The following LGR4 variants were observed in gnomAD, a reference collection of about 807,000 sequenced individuals.
LGR4 encodes leucine-rich repeat-containing G protein-coupled receptor 4.
In LGR4, 44 loss-of-function variants were observed where a neutral mutation model predicts 84.8. The observed-to-expected ratio is 0.52, with a 90% confidence interval of 0.41 to 0.67. The LOEUF (loss-of-function observed/expected upper bound fraction) is 0.67. LGR4 is among the 30% of genes least tolerant of loss of function. The pLI is 0.00. For synonymous variants in LGR4, 429 were observed against 434.3 expected (o/e 0.99, Z 0.15); for missense variants, 1,032 against 1,131.4 (o/e 0.91, Z 1.26).
intron 1 of LGR4, among the ~76,000 whole-genome samples, chr11:27,446,199 G>C (rs1864386986): frequency 6.6e-6 from 1 of 152,134 alleles, no homozygotes; most frequent in Admixed American, 6.5e-5. Flanking sequence ...TGTCAGATGG[G>C]TAGATTGTAA....
At chr11:27,441,884 A>G (rs1186725528) in intron 1 of LGR4, among the ~76,000 whole-genome samples, 1 of 152,208 alleles carries the variant, frequency 6.6e-6, no homozygotes, top group Admixed American at 6.5e-5. Context: ...CTTGGCACCC[A>G]ATCCTCCTTT....
At chr11:27,386,279 C>T (rs1863186636) in intron 4 of LGR4, among the ~76,000 whole-genome samples, 1 of 152,134 alleles carries the variant, frequency 6.6e-6, no homozygotes, top group Non-Finnish European at 1.5e-5. Flanking sequence ...AAACTAAGTC[C>T]TACGTATTAT....
At position 27,368,579 on chromosome 11, in the gene LGR4, G is replaced by A. The variant is rs1329094630; in HGVS notation, c.2144C>T (p.Ser715Leu). The change falls in exon 18 of 18, where the codon TCA (serine) becomes TTA (leucine). Residue 715 changes from serine to leucine, a missense_variant. Transcript: ENST00000379214. ...GFTVTLVLLN[S>L]LAFLLMAVIY... is the part of the protein sequence containing the mutation. ...AACGGCCATTAATAAAAATGCTAGT[G>A]AGTTTAATAGCACTAACGTTACAGT... The A allele has an allele frequency of 6.2e-7, 1 of 1,606,758 alleles. No individual in the cohort carries two copies. The highest frequency in any genetic ancestry group is 2.2e-5 in the East Asian group (1 of 44,630).
intron 1 of LGR4, among the ~76,000 whole-genome samples, chr11:27,420,146 C>T (rs1006854570): frequency 5.3e-5 from 8 of 152,110 alleles, no homozygotes; most frequent in African/African-American, 1.9e-4. Flanking sequence ...TGTCTTCTCA[C>T]ATTTCCCCCT....
chr11:27,387,792 G>A (rs1219982599), intron 4 of LGR4, among the ~76,000 whole-genome samples: 3 of 152,128 alleles, frequency 2.0e-5, no homozygotes, highest in Non-Finnish European at 4.4e-5. Context: ...TGCTGATGAT[G>A]TATATTCATA....
intron 1 of LGR4, 35 bp downstream of exon 1, chr11:27,472,083 T>TCCCCCCCCCCCCGTCC: frequency 1.0e-6 from 1 of 1,004,458 alleles, no homozygotes. Flanking sequence ...CCCCGTTTCC[T>TCCCCCCCCCCCCGTCC]CCCCCCCCCT....
At chr11:27,381,854 T>C (rs890206485) in intron 7 of LGR4, among the ~76,000 whole-genome samples, 1 of 152,230 alleles carries the variant, frequency 6.6e-6, no homozygotes, top group Admixed American at 6.5e-5. Flanking sequence ...ATGATTTATT[T>C]ATCCTATTCA....
At chr11:27,427,566 G>A (rs1249555431) in intron 1 of LGR4, among the ~76,000 whole-genome samples, 3 of 152,102 alleles carry the variant, frequency 2.0e-5, no homozygotes, top group South Asian at 2.1e-4. Flanking sequence ...GGAGCAAGAA[G>A]GTATGAAATA....
Position 27,366,528 on chromosome 11 carries a change from T to A in LGR4, c.*1339A>T, listed in dbSNP as rs1218947048. Reference sequence around the variant, plus strand: ...TTATTAAACTGCAATCTAGCTGGATTTTTTTAGTATATTCAGAATAACTAA... The same window carrying A: ...TTATTAAACTGCAATCTAGCTGGATATTTTTAGTATATTCAGAATAACTAA... On this transcript the variant is annotated 3_prime_UTR_variant, in exon 18 of 18. Transcript: ENST00000379214. 6.6e-6 allele frequency: 1 copy of A among 152,536 alleles called. No homozygotes were observed. The highest frequency in any genetic ancestry group is 6.5e-5 in the Admixed American group (1 of 15,270). 9.4% of individuals were successfully genotyped at this position (152,536 alleles called of 1,614,324 possible).
intron 1 of LGR4, among the ~76,000 whole-genome samples, chr11:27,458,223 G>A (rs529164584): frequency 3.3e-5 from 5 of 152,072 alleles, no homozygotes; most frequent in Non-Finnish European, 7.4e-5. Flanking sequence ...TAGGCCAGAC[G>A]CAAAAGGTTA....
At chr11:27,376,236 TAAC>T (rs1862976763) in intron 13 of LGR4, 60 bp downstream of exon 13, 8 of 927,698 alleles carry the variant, frequency 8.6e-6, no homozygotes, top group Non-Finnish European at 1.2e-5. Context: ...ATGGAAATCA[TAAC>T]AACATATTAA....
chr11:27,404,962 T>C (rs1021259919), intron 2 of LGR4, among the ~76,000 whole-genome samples: 4 of 152,104 alleles, frequency 2.6e-5, no homozygotes, highest in Admixed American at 6.6e-5. Flanking sequence ...GACTGTCTAG[T>C]TCTATCTACA....
intron 1 of LGR4, among the ~76,000 whole-genome samples, chr11:27,451,686 G>C (rs550908399): frequency 2.0e-4 from 31 of 152,306 alleles, no homozygotes; most frequent in East Asian, 1.3e-3. Context: ...AAATGTGTGT[G>C]CTTTTAGTGG....
At chr11:27,449,531 A>G (rs925494765) in intron 1 of LGR4, among the ~76,000 whole-genome samples, 1 of 152,022 alleles carries the variant, frequency 6.6e-6, no homozygotes, top group African/African-American at 2.4e-5. Context: ...GCAGTGACCC[A>G]TGATCACGCC....
At chr11:27,430,964 GTCTAT>G (rs1239566428) in intron 1 of LGR4, among the ~76,000 whole-genome samples, 2 of 151,462 alleles carry the variant, frequency 1.3e-5, no homozygotes, top group Admixed American at 1.3e-4. Context: ...TCTCTGCCTG[GTCTAT>G]TCTTCCCTAG....
chr11:27,398,260 G>A (rs1419541965), intron 2 of LGR4, among the ~76,000 whole-genome samples: 6 of 152,196 alleles, frequency 3.9e-5, no homozygotes, highest in Admixed American at 1.3e-4. Context: ...GAAGGACTAG[G>A]CCACATGTCA....
At chr11:27,401,329 C>G (rs865787053) in intron 2 of LGR4, among the ~76,000 whole-genome samples, 1 of 152,076 alleles carries the variant, frequency 6.6e-6, no homozygotes, top group East Asian at 1.9e-4. Context: ...CCACCTGCAC[C>G]GAATTGGCCT....
chr11:27,418,147 T>C (rs1045216979), intron 1 of LGR4, among the ~76,000 whole-genome samples: 5 of 152,218 alleles, frequency 3.3e-5, no homozygotes, highest in African/African-American at 1.2e-4. Context: ...TTTTTTTTTG[T>C]ATTAAACTCC....
intron 2 of LGR4, among the ~76,000 whole-genome samples, chr11:27,408,793 TA>T (rs1863658323): frequency 6.6e-6 from 1 of 152,176 alleles, no homozygotes; most frequent in East Asian, 1.9e-4. Context: ...AGATGATTAG[TA>T]AAATTTCTCA....
Sources: gnomAD v4.1 joint callset for allele counts (sites outside exome capture counted in the v4.1 genomes callset) on GRCh38, gnomAD v4.1.1 for gene constraint, MANE v1.5 for transcripts, NCBI Gene and HGNC (gene_info 2026-07-23, HGNC 2026-07-21) for gene names.